Variants in SPAST observed in about 807,000 individuals in gnomAD.
SPAST encodes the protein spastin, also known as spastic paraplegia 4 (autosomal dominant; spastin).
Under a neutral mutation model 76.6 loss-of-function variants are expected in SPAST, and 30 were observed. The observed-to-expected ratio is 0.39, with a 90% confidence interval of 0.29 to 0.53. The LOEUF is 0.53. Ranked by LOEUF, SPAST falls within the 20% of genes least tolerant of loss-of-function variation. The pLI, the probability that SPAST is intolerant of heterozygous loss-of-function variation, is 0.68. For synonymous variants in SPAST, 305 were observed against 281.0 expected (o/e 1.09, Z -0.86); for missense variants, 717 against 770.5 (o/e 0.93, Z 0.82).
chr2:32,142,645 C>T (rs2148758815), intron 13 of SPAST, among the ~76,000 whole-genome samples: 1 of 152,186 alleles, frequency 6.6e-6, no homozygotes, highest in African/African-American at 2.4e-5. Flanking sequence ...ATCCGCCCTC[C>T]TCAGCCTCCC....
At chr2:32,122,660 A>T (rs1451035193) in intron 7 of SPAST, among the ~76,000 whole-genome samples, 1 of 151,860 alleles carries the variant, frequency 6.6e-6, no homozygotes, top group Non-Finnish European at 1.5e-5. Flanking sequence ...CAGTTGAGGG[A>T]TAGGCATGGT....
intron 1 of SPAST, among the ~76,000 whole-genome samples, chr2:32,067,362 A>G (rs1439616976): frequency 6.6e-6 from 1 of 152,066 alleles, no homozygotes; most frequent in Non-Finnish European, 1.5e-5. Context: ...GTGACCGACC[A>G]CAAGGAAATT....
At chr2:32,083,776 A>ATATATATATATATATATATAT (rs1553398791) in intron 1 of SPAST, among the ~76,000 whole-genome samples, 1 of 46,088 alleles carries the variant, frequency 2.2e-5, no homozygotes, top group Non-Finnish European at 3.7e-5. Context: ...ATATATATAT[A>ATATATATATATATATATATAT]TTTTTTTTTT....
chr2:32,099,646 A>AT (rs1360507656), intron 4 of SPAST, among the ~76,000 whole-genome samples: 1 of 152,098 alleles, frequency 6.6e-6, no homozygotes, highest in Non-Finnish European at 1.5e-5. Flanking sequence ...CATCCCAAAC[A>AT]TTTATCATTC....
At chr2:32,076,002 G>A (rs1241643727) in intron 1 of SPAST, among the ~76,000 whole-genome samples, 1 of 146,706 alleles carries the variant, frequency 6.8e-6, no homozygotes, top group East Asian at 2.1e-4. Flanking sequence ...CCAGGTTGAA[G>A]TGATTCTCCT....
In SPAST at chr2:32,147,273, AATG is replaced by A. The variant is rs757108637; in HGVS notation, c.1728+18_1728+20del. 5 of 1,570,840 alleles carry A rather than the reference AATG, an allele frequency of 3.2e-6. 1 individual carries two copies. In the South Asian group the frequency reaches 5.5e-5, roughly 17 times the overall value. On this transcript the variant is annotated intron_variant, in intron 16 of 16. Coordinates refer to ENST00000315285, the MANE Select transcript of SPAST (RefSeq NM_014946.4). ...CTGCCAGTGAGGTATAGTATTTTAC[AATG>A]ATATTTTCTTTGTCTTCTATATTGT...
intron 2 of SPAST, among the ~76,000 whole-genome samples, chr2:32,089,156 G>C (rs1677609796): frequency 6.6e-6 from 1 of 150,488 alleles, no homozygotes; most frequent in South Asian, 2.1e-4. Flanking sequence ...CCACTTCCTG[G>C]GGCTGAAGTG....
At chr2:32,115,649 A>G (rs986661733) in intron 5 of SPAST, 53 bp from the exon 6 acceptor site, 8 of 1,369,332 alleles carry the variant, frequency 5.8e-6, no homozygotes, top group Non-Finnish European at 8.2e-6. Context: ...CTTATTTATG[A>G]AAAGTGTAAA....
At chr2:32,074,948 G>A (rs1184696814) in intron 1 of SPAST, among the ~76,000 whole-genome samples, 1 of 152,104 alleles carries the variant, frequency 6.6e-6, no homozygotes, top group Non-Finnish European at 1.5e-5. Flanking sequence ...TAAATGCTTA[G>A]TGCTTGCACA....
At chr2:32,132,711 TA>T (rs1679410686) in intron 9 of SPAST, among the ~76,000 whole-genome samples, 1 of 151,874 alleles carries the variant, frequency 6.6e-6, no homozygotes, top group Non-Finnish European at 1.5e-5. Flanking sequence ...TTTGAAGACT[TA>T]AAAAGGAAGC....
chr2:32,064,868 G>C (rs534809611), intron 1 of SPAST, among the ~76,000 whole-genome samples: 1 of 152,278 alleles, frequency 6.6e-6, no homozygotes, highest in East Asian at 1.9e-4. Context: ...AATTAAAACA[G>C]TATTCCAAAG....
intron 7 of SPAST, among the ~76,000 whole-genome samples, chr2:32,119,291 T>C (rs1489414042): frequency 2.6e-5 from 4 of 152,134 alleles, no homozygotes; most frequent in Non-Finnish European, 5.9e-5. Flanking sequence ...GTAAGACTTA[T>C]CCCATAACAC....
intron 2 of SPAST, among the ~76,000 whole-genome samples, 186 bp from the exon 3 acceptor site, chr2:32,089,336 C>G (rs1677619137): frequency 6.6e-6 from 1 of 151,158 alleles, no homozygotes; most frequent in African/African-American, 2.4e-5. Flanking sequence ...AACACCTGGC[C>G]TAAAGATAGT....
At position 32,137,102 on chromosome 2, in the gene SPAST, C is replaced by G; in HGVS notation, c.1414-7C>G. 6.2e-7 allele frequency: 1 copy of G among 1,612,182 alleles called. No homozygotes were observed. The highest frequency in any genetic ancestry group is 8.5e-7 in the Non-Finnish European group (1 of 1,178,444). On this transcript the variant is annotated splice_polypyrimidine_tract_variant and splice_region_variant and intron_variant, in intron 11 of 16. Transcript: ENST00000315285. ...AAATGAATTGAAAAAAGATTTTTTGCTTGTAGGTACAGTCTGCTGGAGATG... is the reference window on the plus strand; with the variant it reads ...AAATGAATTGAAAAAAGATTTTTTGGTTGTAGGTACAGTCTGCTGGAGATG...
chr2:32,126,687 A>G (rs543362158), intron 7 of SPAST: 8 of 316,474 alleles, frequency 2.5e-5, no homozygotes, highest in African/African-American at 8.7e-5. Flanking sequence ...GAGTTCCCCT[A>G]TGTTGCCCAA....
intron 7 of SPAST, among the ~76,000 whole-genome samples, chr2:32,121,042 C>G (rs1375626084): frequency 6.6e-6 from 1 of 152,136 alleles, no homozygotes; most frequent in Non-Finnish European, 1.5e-5. Flanking sequence ...TTTCTATTTC[C>G]CAAAGCTTTT....
intron 4 of SPAST, among the ~76,000 whole-genome samples, chr2:32,111,930 T>C (rs895757255): frequency 3.4e-5 from 5 of 149,080 alleles, no homozygotes; most frequent in Middle Eastern, 3.6e-3. Flanking sequence ...ATTTTTAATA[T>C]ATATACATAT....
At position 32,095,507 on chromosome 2, in the gene SPAST, G is replaced by C. The variant is rs147567822; in HGVS notation, c.587-3289G>C. Among the ~76,000 whole-genome samples, 41 of 151,926 alleles carry C rather than the reference G, an allele frequency of 2.7e-4. No individual in the cohort carries two copies. In the East Asian group the frequency reaches 7.3e-3, roughly 27 times the overall value. ...AGCACTTTGGGAGGTTGAGTCGGGG[G>C]TATTGCTTGAGTCCAGGAGTTTGAA... On this transcript the variant is annotated intron_variant, in intron 3 of 16. Coordinates refer to ENST00000315285, the MANE Select transcript of SPAST (RefSeq NM_014946.4).
chr2:32,110,091 T>C (rs1365565378), intron 4 of SPAST, among the ~76,000 whole-genome samples: 1 of 144,870 alleles, frequency 6.9e-6, no homozygotes, highest in Non-Finnish European at 1.5e-5. Context: ...TGTATACATA[T>C]ATAGTTTTTT....
Sources: allele counts gnomAD v4.1 joint callset (sites outside exome capture counted in the v4.1 genomes callset), GRCh38; gene constraint gnomAD v4.1.1; transcripts MANE v1.5; gene names NCBI Gene and HGNC (gene_info 2026-07-23, HGNC 2026-07-21).